Variants in KCNMB2 observed in about 807,000 individuals in gnomAD.
KCNMB2 encodes the protein potassium calcium-activated channel subfamily M regulatory beta subunit 2, also known as calcium-activated potassium channel subunit beta-2.
In KCNMB2, 9 loss-of-function variants were observed where a neutral mutation model predicts 24.5. The observed-to-expected ratio is 0.37, with a 90% confidence interval of 0.22 to 0.64. The LOEUF is 0.64. Ranked by LOEUF, KCNMB2 falls within the 30% of genes least tolerant of loss-of-function variation. KCNMB2 has a pLI of 0.63. For synonymous variants in KCNMB2, 109 were observed against 104.4 expected, an observed-to-expected ratio of 1.04 and a Z score of -0.27; for missense variants, 226 against 284.3, an observed-to-expected ratio of 0.79 and a Z score of 1.47.
chr3:178,551,031 G>A (rs1715935716), intron 1 of KCNMB2, among the ~76,000 whole-genome samples: 1 of 152,182 alleles, frequency 6.6e-6, no homozygotes, highest in Non-Finnish European at 1.5e-5. Flanking sequence ...TTTCCACAAA[G>A]AGGATAAGCA....
At chr3:178,654,510 T>C (rs1720249431) in intron 1 of KCNMB2, among the ~76,000 whole-genome samples, 1 of 152,050 alleles carries the variant, frequency 6.6e-6, no homozygotes. Context: ...ATAATAAAAT[T>C]AATGGCAAAA....
chr3:178,601,208 A>C (rs1718071842), intron 1 of KCNMB2, among the ~76,000 whole-genome samples: 2 of 142,000 alleles, frequency 1.4e-5, no homozygotes, highest in African/African-American at 2.6e-5. Flanking sequence ...GTTGGGGGGG[A>C]AGGGGAGGGA....
chr3:178,538,827 C>G (rs1302590485), intron 1 of KCNMB2, among the ~76,000 whole-genome samples: 12 of 151,890 alleles, frequency 7.9e-5, no homozygotes, highest in Admixed American at 7.9e-4. Flanking sequence ...GTAATTTAGT[C>G]AAAACAATCT....
At chr3:178,618,845 G>T (rs1718807955) in intron 1 of KCNMB2, among the ~76,000 whole-genome samples, 1 of 152,198 alleles carries the variant, frequency 6.6e-6, no homozygotes, top group South Asian at 2.1e-4. Flanking sequence ...ATTTTATGGT[G>T]TATGTTCTAT....
chr3:178,758,901 G>A (rs1241715103), intron 1 of KCNMB2, among the ~76,000 whole-genome samples: 1 of 3,742 alleles, frequency 2.7e-4, no homozygotes, highest in East Asian at 4.7e-3. Flanking sequence ...TCTCCAAGAG[G>A]GATATATATA....
intron 1 of KCNMB2, among the ~76,000 whole-genome samples, chr3:178,659,712 T>C (rs1311969875): frequency 2.0e-5 from 3 of 152,184 alleles, no homozygotes; most frequent in African/African-American, 7.2e-5. Context: ...CTACTTAACA[T>C]CTCTTAAAAT....
At chr3:178,721,483 A>T (rs578082262) in intron 1 of KCNMB2, among the ~76,000 whole-genome samples, 26 of 152,308 alleles carry the variant, frequency 1.7e-4, no homozygotes, top group South Asian at 8.3e-4. Flanking sequence ...CCCTTGAAGG[A>T]TATTTCAATA....
At chr3:178,676,338 A>G (rs1487746418) in intron 1 of KCNMB2, among the ~76,000 whole-genome samples, 1 of 152,208 alleles carries the variant, frequency 6.6e-6, no homozygotes, top group Non-Finnish European at 1.5e-5. Context: ...TCCTTGGCAG[A>G]CAGAGAGGTG....
intron 1 of KCNMB2, among the ~76,000 whole-genome samples, chr3:178,548,774 G>T (rs1199061773): frequency 1.3e-5 from 2 of 152,040 alleles, no homozygotes; most frequent in Non-Finnish European, 2.9e-5. Context: ...TTTGGTACTT[G>T]CTTGTAACAT....
At chr3:178,664,081 G>T (rs560397316) in intron 1 of KCNMB2, among the ~76,000 whole-genome samples, 1 of 152,064 alleles carries the variant, frequency 6.6e-6, no homozygotes, top group Admixed American at 6.6e-5. Context: ...GCATTTTTCC[G>T]TTTACATAGC....
chr3:178,725,448 A>G (rs945372316), intron 1 of KCNMB2, among the ~76,000 whole-genome samples: 1 of 152,086 alleles, frequency 6.6e-6, no homozygotes, highest in African/African-American at 2.4e-5. Context: ...TATCTAGGAA[A>G]CCCTAAAGAT....
At chr3:178,797,810 T>C (rs567402656) in intron 1 of KCNMB2, among the ~76,000 whole-genome samples, 2 of 152,366 alleles carry the variant, frequency 1.3e-5, no homozygotes, top group African/African-American at 4.8e-5. Context: ...TGTGATTTCC[T>C]TGAGCAGTGG....
chr3:178,572,188 T>A (rs1276658731), intron 1 of KCNMB2, among the ~76,000 whole-genome samples: 1 of 152,222 alleles, frequency 6.6e-6, no homozygotes, highest in African/African-American at 2.4e-5. Context: ...ATGCGCATTT[T>A]TTGTGTGAGT....
chr3:178,766,218 G>C (rs1269498061), intron 1 of KCNMB2, among the ~76,000 whole-genome samples: 1 of 152,032 alleles, frequency 6.6e-6, no homozygotes, highest in Non-Finnish European at 1.5e-5. Context: ...TTTTGAGATA[G>C]GGCCTTTCTC....
At chr3:178,660,194 T>G (rs1720475849) in intron 1 of KCNMB2, among the ~76,000 whole-genome samples, 1 of 152,202 alleles carries the variant, frequency 6.6e-6, no homozygotes, top group South Asian at 2.1e-4. Context: ...GAGCAACAGT[T>G]GTCTCATCTC....
In KCNMB2 at chr3:178,807,406, T is replaced by C. The variant is rs780408344; in HGVS notation, c.-4T>C. 2 of 1,613,420 alleles carry C rather than the reference T, an allele frequency of 1.2e-6. No individual in the cohort carries two copies. Among genetic ancestry groups the C allele is most frequent in the South Asian group, 2.2e-5 (2 of 91,012 alleles). ...AAGGAGACCCTGGACCAACATTCTC[T>C]AAGATGTTTATATGGACCAGTGGCC... On this transcript the variant is annotated 5_prime_UTR_variant, in exon 2 of 5. Transcript: ENST00000452583.
chr3:178,618,617 A>T (rs1161779114), intron 1 of KCNMB2, among the ~76,000 whole-genome samples: 1 of 152,230 alleles, frequency 6.6e-6, no homozygotes, highest in East Asian at 1.9e-4. Context: ...TGATTGGCAA[A>T]CAGAAACCTA....
intron 1 of KCNMB2, among the ~76,000 whole-genome samples, chr3:178,786,353 T>C (rs577474797): frequency 1.1e-4 from 16 of 152,284 alleles, no homozygotes; most frequent in African/African-American, 3.6e-4. Flanking sequence ...TTTCCACAAT[T>C]AATCATTAGC....
chr3:178,823,306 C>A (rs1714704187), intron 2 of KCNMB2, among the ~76,000 whole-genome samples: 1 of 151,994 alleles, frequency 6.6e-6, no homozygotes, highest in Non-Finnish European at 1.5e-5. Flanking sequence ...AGCTGGGGAA[C>A]AATGAAAGAT....
Sources: allele counts gnomAD v4.1 joint callset (sites outside exome capture counted in the v4.1 genomes callset), GRCh38; gene constraint gnomAD v4.1.1; transcripts MANE v1.5; gene names NCBI Gene and HGNC (gene_info 2026-07-23, HGNC 2026-07-21).